RASA1: variants seen among roughly 807,000 people sequenced by gnomAD.
RASA1 encodes RAS p21 protein activator 1, also known as ras GTPase-activating protein 1.
A neutral mutation model predicts 132.2 loss-of-function variants in RASA1; 25 were observed. The observed-to-expected ratio is 0.19, with a 90% CI of 0.14 to 0.26. The LOEUF (loss-of-function observed/expected upper bound fraction) is 0.26, where lower values mean the gene tolerates loss of function less well. RASA1 is among the 10% of genes least tolerant of loss of function. The pLI is 1.00. For missense variants in RASA1, 964 were observed against 1,299.2 expected, an observed-to-expected ratio of 0.74 and a Z score of 3.97; for synonymous variants, 477 against 449.9, an observed-to-expected ratio of 1.06 and a Z score of -0.76.
At chr5:87,293,234 G>T (rs776752983) in intron 1 of RASA1, among the ~76,000 whole-genome samples, 1 of 151,414 alleles carries the variant, frequency 6.6e-6, no homozygotes, top group African/African-American at 2.4e-5. Context: ...GGTGTTAGCT[G>T]TAGATTTTTT....
rs1753696601 is a variant in RASA1 at position 87,268,905 on chromosome 5, A to G, written c.454A>G (p.Thr152Ala). ...YLPPLGAGLG[T>A]VDEGDSLDGP... ...GCCCCCTTTGGGGGCGGGCCTCGGG[A>G]CAGTGGACGAAGGTGACTCTCTGGA... Residue 152 changes from threonine (T) to alanine (A), a missense_variant, in exon 1 of 25, where the codon ACA becomes GCA. Transcript: ENST00000274376. 1.2e-6 allele frequency: 2 copies of G among 1,614,124 alleles called. No homozygotes were observed. The highest frequency in any genetic ancestry group is 1.7e-6 in the Non-Finnish European group (2 of 1,180,030).
intron 1 of RASA1, among the ~76,000 whole-genome samples, chr5:87,274,945 G>A (rs1305561425): frequency 2.0e-5 from 3 of 152,162 alleles, no homozygotes; most frequent in Admixed American, 6.5e-5. Context: ...GGAAGTTGAC[G>A]GTGATGTCTG....
rs1328846908 is a variant in RASA1 at position 87,335,802 on chromosome 5, T to G, written c.900-2172T>G. Among the ~76,000 whole-genome samples the G allele has an allele frequency of 4.6e-5, 7 of 152,188 alleles. No homozygotes were observed. In the East Asian group the frequency reaches 1.3e-3, roughly 29 times the overall value. ...GATAGCTCAGTGAACTAATATTTTC[T>G]AAAAGGTCAACGCATGTTGTTACAA... is the stretch of plus-strand genomic sequence containing the variant. On this transcript the variant is annotated intron_variant, in intron 4 of 24. Coordinates refer to ENST00000274376, the MANE Select transcript of RASA1 (RefSeq NM_002890.3).
chr5:87,336,232 A>G (rs1298018082), intron 4 of RASA1, among the ~76,000 whole-genome samples: 1 of 152,154 alleles, frequency 6.6e-6, no homozygotes, highest in Non-Finnish European at 1.5e-5. Flanking sequence ...TTAATGAGCT[A>G]TTTTTAAAGG....
chr5:87,288,321 A>G (rs968664971), intron 1 of RASA1, among the ~76,000 whole-genome samples: 1 of 151,872 alleles, frequency 6.6e-6, no homozygotes, highest in African/African-American at 2.4e-5. Context: ...ACATTCTTGA[A>G]GTTGATGTAA....
intron 1 of RASA1, among the ~76,000 whole-genome samples, chr5:87,303,870 T>A (rs1450728990): frequency 4.0e-5 from 6 of 151,156 alleles, no homozygotes; most frequent in African/African-American, 1.5e-4. Context: ...GGCAGAGTTT[T>A]GCTCTTGTCG....
At chr5:87,324,322 G>A (rs1260720957) in intron 1 of RASA1, among the ~76,000 whole-genome samples, 1 of 152,148 alleles carries the variant, frequency 6.6e-6, no homozygotes, top group East Asian at 1.9e-4. Flanking sequence ...TTTGATCAGT[G>A]CATAACATTT....
At chr5:87,357,458 C>T (rs992188013) in intron 9 of RASA1, among the ~76,000 whole-genome samples, 1 of 152,030 alleles carries the variant, frequency 6.6e-6, no homozygotes, top group Non-Finnish European at 1.5e-5. Flanking sequence ...TACATTTCCC[C>T]ATACTGAATT....
chr5:87,326,780 T>C (rs1757261837), intron 1 of RASA1, among the ~76,000 whole-genome samples: 1 of 152,130 alleles, frequency 6.6e-6, no homozygotes, highest in Non-Finnish European at 1.5e-5. Context: ...ATTAATAGTA[T>C]GGCACTTGCA....
Position 87,390,789 on chromosome 5 carries a change from CCT to C in RASA1, c.3061-8_3061-7del, listed in dbSNP as rs767935972. 6.9e-6 allele frequency: 11 copies of C among 1,602,958 alleles called. No homozygotes were observed. Among genetic ancestry groups the C allele is most frequent in the East Asian group, 2.2e-5 (1 of 44,768 alleles). ...TTTCATTTATTTTCATACCATTTTT[CCT>C]CTGTCTAGCACGTATTGAAAAAGCT... On this transcript the variant is annotated splice_polypyrimidine_tract_variant and intron_variant, in intron 24 of 24. Coordinates refer to ENST00000274376, the MANE Select transcript of RASA1 (RefSeq NM_002890.3).
chr5:87,340,389 G>A (rs765563328), intron 5 of RASA1, among the ~76,000 whole-genome samples: 6 of 151,760 alleles, frequency 4.0e-5, no homozygotes, highest in Non-Finnish European at 7.4e-5. Flanking sequence ...TTTGGGCAGT[G>A]ACACAATGAT....
At chr5:87,337,561 G>C (rs758000414) in intron 4 of RASA1, among the ~76,000 whole-genome samples, 1 of 151,782 alleles carries the variant, frequency 6.6e-6, no homozygotes, top group African/African-American at 2.4e-5. Context: ...TATTTATTTT[G>C]TGTTTTGATT....
chr5:87,368,270 T>C (rs1760670898), intron 11 of RASA1, among the ~76,000 whole-genome samples: 1 of 152,178 alleles, frequency 6.6e-6, no homozygotes, highest in Admixed American at 6.6e-5. Flanking sequence ...TTTCAGGACT[T>C]CATTTTATTA....
At chr5:87,294,103 C>G (rs745633281) in intron 1 of RASA1, 4 of 152,022 alleles carry the variant, frequency 2.6e-5, no homozygotes, top group African/African-American at 9.7e-5. Flanking sequence ...TTCTCTTTAT[C>G]TGCTTACTTT....
Position 87,376,971 on chromosome 5 carries a change from A to C in RASA1, c.2275A>C (p.Ile759Leu). 6.2e-7 allele frequency: 1 copy of C among 1,613,064 alleles called. No individual in the cohort carries two copies. Residue 759 changes from isoleucine to leucine, a missense_variant, in exon 17 of 25, where the codon ATT (isoleucine) becomes CTT (leucine). Coordinates refer to ENST00000274376, the MANE Select transcript of RASA1 (RefSeq NM_002890.3). ...ACTACTGGCCAGCATCCTACTGAGG[A>C]TTTTTCTTCACGAAAAGCTTGAATC... is the stretch of plus-strand genomic sequence containing the variant. ...RTLLASILLR[I>L]FLHEKLESLL...
intron 24 of RASA1, 145 bp from the exon 25 acceptor site, chr5:87,390,655 A>AATAGAGACTTAT (rs1762443818): frequency 4.1e-6 from 3 of 726,864 alleles, no homozygotes. Flanking sequence ...ATGACTGAAT[A>AATAGAGACTTAT]ATAGAGACTT....
At chr5:87,373,410 T>G (rs1320178929) in intron 13 of RASA1, among the ~76,000 whole-genome samples, 1 of 152,164 alleles carries the variant, frequency 6.6e-6, no homozygotes, top group Non-Finnish European at 1.5e-5. Flanking sequence ...TTGAGCATCT[T>G]GGGCTTCGTT....
intron 11 of RASA1, among the ~76,000 whole-genome samples, chr5:87,365,658 A>G (rs1760459638): frequency 6.6e-6 from 1 of 152,092 alleles, no homozygotes; most frequent in African/African-American, 2.4e-5. Flanking sequence ...CATAAGGGCA[A>G]TTTAGTGACT....
chr5:87,285,136 C>T (rs1754492000), intron 1 of RASA1, among the ~76,000 whole-genome samples: 1 of 149,276 alleles, frequency 6.7e-6, no homozygotes, highest in African/African-American at 2.5e-5. Flanking sequence ...GGTGTGATCT[C>T]GGCTCACTGC....
Sources: gnomAD v4.1 joint callset for allele counts (sites outside exome capture counted in the v4.1 genomes callset) on GRCh38, gnomAD v4.1.1 for gene constraint, MANE v1.5 for transcripts, NCBI Gene and HGNC (gene_info 2026-07-23, HGNC 2026-07-21) for gene names.